The following KAZN variants were observed in gnomAD, a reference collection of about 807,000 sequenced individuals.
KAZN encodes the protein kazrin.
Under a neutral mutation model 87.4 loss-of-function variants are expected in KAZN, and 40 were observed. The ratio of observed to expected loss-of-function variants is 0.46; its 90% CI spans 0.36 to 0.60. KAZN has a LOEUF of 0.60. Ranked by LOEUF, KAZN falls within the 20% of genes least tolerant of loss-of-function variation. The pLI is 0.00. For missense variants in KAZN, 898 were observed against 1,073.9 expected (o/e 0.84, Z 2.29); for synonymous variants, 466 against 458.3 (o/e 1.02, Z -0.22).
chr1:15,032,269 T>C (rs1671807079), intron 2 of KAZN, among the ~76,000 whole-genome samples: 2 of 146,746 alleles, frequency 1.4e-5, no homozygotes, highest in African/African-American at 2.5e-5. Flanking sequence ...CTTGGCTCAC[T>C]GCAAGCTCTG....
chr1:15,004,116 G>A (rs1668773456), intron 2 of KAZN, among the ~76,000 whole-genome samples: 1 of 152,238 alleles, frequency 6.6e-6, no homozygotes, highest in African/African-American at 2.4e-5. Flanking sequence ...TGCACTATCA[G>A]GGTGAGGAGG....
intron 2 of KAZN, among the ~76,000 whole-genome samples, chr1:14,442,937 G>A (rs1385187650): frequency 6.6e-6 from 1 of 152,176 alleles, no homozygotes; most frequent in African/African-American, 2.4e-5. Flanking sequence ...TCTCAGGAAT[G>A]CCACATCTGT....
At chr1:14,335,203 CTTTTT>C (rs34934115) in intron 2 of KAZN, among the ~76,000 whole-genome samples, 1 of 131,340 alleles carries the variant, frequency 7.6e-6, no homozygotes. Flanking sequence ...GTCCTCCTTT[CTTTTT>C]TTTTTTTTTT....
intron 1 of KAZN, among the ~76,000 whole-genome samples, chr1:14,650,007 C>T (rs1638251292): frequency 7.0e-6 from 1 of 143,318 alleles, no homozygotes; most frequent in Non-Finnish European, 1.5e-5. Context: ...ACAGTGGGTG[C>T]TGGTATCTTT....
At chr1:14,842,375 G>A (rs1648123473) in intron 1 of KAZN, among the ~76,000 whole-genome samples, 1 of 152,178 alleles carries the variant, frequency 6.6e-6, no homozygotes, top group Non-Finnish European at 1.5e-5. Flanking sequence ...GATCAAGCAG[G>A]CCTTGCTACC....
At chr1:14,315,160 C>T (rs1379127032) in intron 2 of KAZN, among the ~76,000 whole-genome samples, 1 of 152,050 alleles carries the variant, frequency 6.6e-6, no homozygotes, top group Admixed American at 6.6e-5. Context: ...ATGACAGTCA[C>T]TTCTTTCATT....
intron 1 of KAZN, among the ~76,000 whole-genome samples, chr1:14,606,741 G>T (rs947046602): frequency 1.3e-5 from 2 of 152,150 alleles, no homozygotes; most frequent in African/African-American, 4.8e-5. Flanking sequence ...CTATTGACAT[G>T]TGGAGCAGAT....
At chr1:14,442,858 C>A (rs903541501) in intron 2 of KAZN, among the ~76,000 whole-genome samples, 1 of 152,188 alleles carries the variant, frequency 6.6e-6, no homozygotes, top group Non-Finnish European at 1.5e-5. Flanking sequence ...GGCAGTTTAG[C>A]CCTACAGCAC....
chr1:14,192,863 C>A (rs116036292), intron 2 of KAZN, among the ~76,000 whole-genome samples: 2,647 of 152,230 alleles, frequency 0.017, 80 homozygotes, highest in African/African-American at 0.06. Flanking sequence ...AAGAATGTGA[C>A]ATTATTTGGA....
At chr1:14,954,230 T>G (rs1662823277) in intron 1 of KAZN, among the ~76,000 whole-genome samples, 1 of 152,216 alleles carries the variant, frequency 6.6e-6, no homozygotes, top group African/African-American at 2.4e-5. Context: ...CCTGCTACCA[T>G]GGCCAAGAGA....
intron 2 of KAZN, among the ~76,000 whole-genome samples, chr1:14,337,674 A>G (rs1034027108): frequency 1.3e-5 from 2 of 152,116 alleles, no homozygotes; most frequent in African/African-American, 4.8e-5. Context: ...TGGGTGGATC[A>G]CCTGAGGTCA....
chr1:13,968,121 G>T (rs1170047712), intron 1 of KAZN, among the ~76,000 whole-genome samples: 3 of 152,162 alleles, frequency 2.0e-5, no homozygotes, highest in Non-Finnish European at 4.4e-5. Flanking sequence ...TGGTTCCCAG[G>T]TGGCTCCTGG....
chr1:15,098,512 G>A (rs1056292583), intron 10 of KAZN, among the ~76,000 whole-genome samples: 2 of 152,232 alleles, frequency 1.3e-5, no homozygotes, highest in African/African-American at 4.8e-5. Flanking sequence ...CCCAACTCTT[G>A]TTGCACCATT....
intron 1 of KAZN, among the ~76,000 whole-genome samples, chr1:14,081,634 T>A (rs1643677900): frequency 6.6e-6 from 1 of 152,184 alleles, no homozygotes; most frequent in African/African-American, 2.4e-5. Flanking sequence ...CACAACCATG[T>A]GTTTACTTAT....
chr1:14,702,060 A>T (rs1365465251), intron 1 of KAZN, among the ~76,000 whole-genome samples: 1 of 152,078 alleles, frequency 6.6e-6, no homozygotes, highest in African/African-American at 2.4e-5. Flanking sequence ...CCTTTCTCAT[A>T]TGAGTACATG....
chr1:14,285,004 TCCTCCC>T (rs1391331722), intron 2 of KAZN, among the ~76,000 whole-genome samples: 1 of 152,178 alleles, frequency 6.6e-6, no homozygotes, highest in African/African-American at 2.4e-5. Context: ...GACGTACTTT[TCCTCCC>T]CCTGGGTTGC....
intron 1 of KAZN, among the ~76,000 whole-genome samples, chr1:14,869,323 G>GCA (rs1651890018): frequency 6.6e-6 from 1 of 152,092 alleles, no homozygotes; most frequent in Non-Finnish European, 1.5e-5. Context: ...CCCTGTGTGA[G>GCA]CACAATTCAG....
chr1:14,420,534 C>T (rs1472675767), intron 2 of KAZN, among the ~76,000 whole-genome samples: 2 of 152,196 alleles, frequency 1.3e-5, no homozygotes, highest in Non-Finnish European at 2.9e-5. Context: ...TCAGTGGGAC[C>T]AGGTGCCGCG....
intron 1 of KAZN, among the ~76,000 whole-genome samples, chr1:14,800,144 A>G (rs1018348519): frequency 2.0e-5 from 3 of 152,098 alleles, no homozygotes; most frequent in Non-Finnish European, 4.4e-5. Context: ...ACCCAAAAGT[A>G]CCCCAAGGCT....
Sources: gnomAD v4.1 joint callset for allele counts (sites outside exome capture counted in the v4.1 genomes callset) on GRCh38, gnomAD v4.1.1 for gene constraint, MANE v1.5 for transcripts, NCBI Gene and HGNC (gene_info 2026-07-23, HGNC 2026-07-21) for gene names.